PTPRD: variants seen among roughly 807,000 people sequenced by gnomAD.
The protein encoded by PTPRD is receptor-type tyrosine-protein phosphatase delta.
A neutral mutation model predicts 214.5 loss-of-function variants in PTPRD; 34 were observed. The observed-to-expected ratio is 0.16, with a 90% CI of 0.12 to 0.21. The LOEUF is 0.21. Ranked by LOEUF, PTPRD falls within the 10% of genes least tolerant of loss-of-function variation. The probability of loss-of-function intolerance (pLI) is 1.00; values close to 1 mark genes in which losing one functional copy is unlikely to be tolerated. For missense variants in PTPRD, 2,545 were observed against 2,398.7 expected, an observed-to-expected ratio of 1.06 and a Z score of -1.27; for synonymous variants, 1,128 against 845.7, an observed-to-expected ratio of 1.33 and a Z score of -5.79.
At chr9:8,672,087 T>C (rs546170020) in intron 12 of PTPRD, among the ~76,000 whole-genome samples, 8 of 152,312 alleles carry the variant, frequency 5.3e-5, no homozygotes, top group South Asian at 2.1e-4. Context: ...AAATTATCTA[T>C]TTGTGTTGTA....
At chr9:10,194,369 G>C in intron 3 of PTPRD, among the ~76,000 whole-genome samples, 1 of 47,380 alleles carries the variant, frequency 2.1e-5, no homozygotes, top group Admixed American at 2.1e-4. Context: ...GAGAGAGAGA[G>C]AGAGAGAGAG....
chr9:9,533,920 C>A (rs2076009130), intron 8 of PTPRD, among the ~76,000 whole-genome samples: 1 of 151,940 alleles, frequency 6.6e-6, no homozygotes, highest in East Asian at 1.9e-4. Context: ...TTTACTGTAT[C>A]CTTACTTAAG....
intron 3 of PTPRD, among the ~76,000 whole-genome samples, chr9:10,183,248 G>A (rs1222737470): frequency 6.6e-6 from 1 of 152,044 alleles, no homozygotes; most frequent in East Asian, 1.9e-4. Context: ...ATTAGAATGG[G>A]TACCTCAGAA....
intron 3 of PTPRD, among the ~76,000 whole-genome samples, chr9:10,288,817 C>G (rs1278109017): frequency 7.1e-6 from 1 of 140,768 alleles, no homozygotes; most frequent in Non-Finnish European, 1.5e-5. Flanking sequence ...AACTTTTTTT[C>G]TGCTTTTTGA....
chr9:8,554,236 A>C (rs1159772838), intron 14 of PTPRD, among the ~76,000 whole-genome samples: 1 of 152,148 alleles, frequency 6.6e-6, no homozygotes, highest in Non-Finnish European at 1.5e-5. Context: ...TGGGGAAGGA[A>C]GGATTTAAAA....
intron 3 of PTPRD, among the ~76,000 whole-genome samples, chr9:10,183,393 A>T (rs1420039384): frequency 6.6e-6 from 1 of 152,138 alleles, no homozygotes; most frequent in Non-Finnish European, 1.5e-5. Context: ...CCTTTGCGCA[A>T]AGGAAGTGCT....
chr9:9,587,603 C>T (rs2092211350), intron 7 of PTPRD, among the ~76,000 whole-genome samples: 1 of 151,978 alleles, frequency 6.6e-6, no homozygotes, highest in South Asian at 2.1e-4. Context: ...CTTCAGAGTA[C>T]ATCATAAAGG....
At chr9:9,097,801 G>A (rs978217973) in intron 10 of PTPRD, among the ~76,000 whole-genome samples, 16 of 147,870 alleles carry the variant, frequency 1.1e-4, no homozygotes, top group South Asian at 2.1e-4. Context: ...TCTTTGTTAC[G>A]AACTATTTTT....
At chr9:8,986,227 C>T (rs1394620803) in intron 11 of PTPRD, among the ~76,000 whole-genome samples, 2 of 151,998 alleles carry the variant, frequency 1.3e-5, no homozygotes, top group African/African-American at 4.8e-5. Context: ...ATGAACTCTC[C>T]AGAAGAAATC....
chr9:9,009,897 A>G (rs1423023479), intron 11 of PTPRD, among the ~76,000 whole-genome samples: 2 of 152,018 alleles, frequency 1.3e-5, no homozygotes, highest in Non-Finnish European at 2.9e-5. Context: ...TCAAGGAGTT[A>G]TGAGAATTTT....
intron 9 of PTPRD, among the ~76,000 whole-genome samples, chr9:9,352,210 T>TAC (rs1021508422): frequency 3.1e-4 from 47 of 151,782 alleles, no homozygotes; most frequent in Non-Finnish European, 6.3e-4. Context: ...AATTGTATAG[T>TAC]ACATCGTAGC....
rs2095865734 is a variant in PTPRD at position 8,449,827 on chromosome 9, C to T, written c.3886G>A (p.Glu1296Lys). The T allele has an allele frequency of 6.2e-7, 1 of 1,613,850 alleles. No homozygotes were observed. The highest frequency in any genetic ancestry group is 8.5e-7 in the Non-Finnish European group (1 of 1,179,862). ...ATGCTGCTTTTTCTAGAGTCGGACT[C>T]TGCCCTCTTCCTATAGGGGGAAAAT... is the stretch of plus-strand genomic sequence containing the variant. ...AILLYKRKRA[E>K]SDSRKSSIPN... Residue 1296 changes from glutamate (E) to lysine (K), a missense_variant, in exon 34 of 46, where the codon GAG (glutamate) becomes AAG (lysine). Physicochemically the swap from Glu to Lys is moderately conservative, Grantham distance 56 (BLOSUM62 1). Coordinates refer to ENST00000381196, the MANE Select transcript of PTPRD (RefSeq NM_002839.4).
chr9:8,608,500 T>C (rs1006182379), intron 14 of PTPRD, among the ~76,000 whole-genome samples: 1 of 152,140 alleles, frequency 6.6e-6, no homozygotes, highest in Non-Finnish European at 1.5e-5. Flanking sequence ...AAGCAACTGG[T>C]ATATTCCAAG....
At chr9:8,615,984 A>G (rs1198015693) in intron 14 of PTPRD, among the ~76,000 whole-genome samples, 2 of 152,172 alleles carry the variant, frequency 1.3e-5, no homozygotes, top group African/African-American at 4.8e-5. Flanking sequence ...AGTACCATTT[A>G]AAACAATTCC....
intron 30 of PTPRD, among the ~76,000 whole-genome samples, chr9:8,473,823 CT>C (rs1320199444): frequency 6.6e-6 from 1 of 152,172 alleles, no homozygotes; most frequent in Non-Finnish European, 1.5e-5. Flanking sequence ...TTTTTCTCCG[CT>C]GATCTCTAAA....
chr9:10,473,890 T>A (rs1369987952), intron 2 of PTPRD, among the ~76,000 whole-genome samples: 3 of 152,072 alleles, frequency 2.0e-5, no homozygotes, highest in African/African-American at 7.2e-5. Context: ...TCAGTGCAAA[T>A]TATTTCATTT....
chr9:10,585,744 C>T (rs2073688932), intron 2 of PTPRD, among the ~76,000 whole-genome samples: 1 of 151,942 alleles, frequency 6.6e-6, no homozygotes, highest in African/African-American at 2.4e-5. Flanking sequence ...ACACATAACA[C>T]ACACAAGTGT....
intron 5 of PTPRD, among the ~76,000 whole-genome samples, chr9:9,814,630 T>C (rs968321946): frequency 3.9e-5 from 6 of 152,142 alleles, no homozygotes; most frequent in African/African-American, 1.2e-4. Context: ...GTGAAATAAA[T>C]TGAAGAAGAC....
At chr9:9,835,149 T>C (rs1046829447) in intron 5 of PTPRD, among the ~76,000 whole-genome samples, 1 of 152,112 alleles carries the variant, frequency 6.6e-6, no homozygotes, top group African/African-American at 2.4e-5. Flanking sequence ...CTAAATTTAA[T>C]ACATAGTGTT....
Sources: allele counts gnomAD v4.1 joint callset (sites outside exome capture counted in the v4.1 genomes callset), GRCh38; gene constraint gnomAD v4.1.1; transcripts MANE v1.5; gene names NCBI Gene and HGNC (gene_info 2026-07-23, HGNC 2026-07-21).